Variants in SEMA3E observed in about 807,000 individuals in gnomAD.
SEMA3E encodes the protein semaphorin 3E.
A neutral mutation model predicts 93.6 loss-of-function variants in SEMA3E; 49 were observed. The ratio of observed to expected loss-of-function variants is 0.52; its 90% CI spans 0.42 to 0.66. SEMA3E has a LOEUF of 0.66. Ranked by LOEUF, SEMA3E falls within the 30% of genes least tolerant of loss-of-function variation. SEMA3E has a pLI of 0.00. For missense variants in SEMA3E, 906 were observed against 964.8 expected, an observed-to-expected ratio of 0.94 and a Z score of 0.81; for synonymous variants, 363 against 330.7, an observed-to-expected ratio of 1.10 and a Z score of -1.06.
rs558913545 is a variant in SEMA3E, at chr7:83,464,519, C to T, written c.456+1963G>A. On this transcript the variant is annotated intron_variant, in intron 4 of 16. Coordinates refer to ENST00000643230, the MANE Select transcript of SEMA3E (RefSeq NM_012431.3). ...TCTCCTGGTGCTATCCCCAAACTGC[C>T]ACTCTTAACCCTTGAAGTAAATAAA... Among the ~76,000 whole-genome samples the T allele has an allele frequency of 1.5e-3, 173 of 113,338 alleles. 14 individuals are homozygous for T. The South Asian group carries it at 0.039, about 25-fold the overall frequency. The allele number at this position is 113,338 out of a possible 152,430, so 74.4% of individuals were successfully genotyped here. A position where few individuals can be genotyped will look rare whatever the true frequency, so the allele number is the denominator to read the frequency against.
At chr7:83,624,056 A>T (rs1476530073) in intron 1 of SEMA3E, among the ~76,000 whole-genome samples, 2 of 152,162 alleles carry the variant, frequency 1.3e-5, no homozygotes, top group East Asian at 3.9e-4. Context: ...GCATGAACTC[A>T]TTCTTTTTTA....
intron 9 of SEMA3E, 105 bp from the exon 10 acceptor site, chr7:83,402,881 G>T: frequency 9.2e-7 from 1 of 1,091,708 alleles, no homozygotes; most frequent in African/African-American, 1.6e-5. Context: ...TGGGTAAAGT[G>T]GTTGCAATTT....
chr7:83,571,098 A>C (rs1739921502), intron 1 of SEMA3E, among the ~76,000 whole-genome samples: 1 of 151,774 alleles, frequency 6.6e-6, no homozygotes. Context: ...GGAAAGAAAG[A>C]AAAGAAAAAA....
chr7:83,430,904 AAAGTTACTATGGCC>A (rs1460755037), intron 4 of SEMA3E, among the ~76,000 whole-genome samples: 2 of 152,154 alleles, frequency 1.3e-5, no homozygotes, highest in Non-Finnish European at 2.9e-5. Flanking sequence ...TACGAAACCA[AAAGTTACTATGGCC>A]AAGGAAGAAA....
At chr7:83,605,432 C>T (rs2371869) in intron 1 of SEMA3E, among the ~76,000 whole-genome samples, 89,713 of 147,854 alleles carry the variant, frequency 0.61, 27,051 homozygotes, top group African/African-American at 0.69. Context: ...AATGTCCTCT[C>T]TTTTTTTTTT....
At chr7:83,457,077 C>G (rs569616319) in intron 4 of SEMA3E, among the ~76,000 whole-genome samples, 130 of 152,252 alleles carry the variant, frequency 8.5e-4, no homozygotes, top group Non-Finnish European at 1.6e-3. Flanking sequence ...GGATTTTGCA[C>G]TAACCTGATT....
chr7:83,454,074 C>T (rs965539499), intron 4 of SEMA3E, among the ~76,000 whole-genome samples: 11 of 150,764 alleles, frequency 7.3e-5, no homozygotes, highest in South Asian at 4.2e-4. Flanking sequence ...CTGGCTAACA[C>T]GGTGAAAACC....
At chr7:83,570,466 T>C (rs1230731801) in intron 1 of SEMA3E, among the ~76,000 whole-genome samples, 3 of 128,014 alleles carry the variant, frequency 2.3e-5, no homozygotes, top group African/African-American at 6.3e-5. Context: ...GGCAGGAGAA[T>C]GGCGTGAACC....
At chr7:83,641,621 A>G (rs988265335) in intron 1 of SEMA3E, among the ~76,000 whole-genome samples, 3 of 152,224 alleles carry the variant, frequency 2.0e-5, no homozygotes, top group African/African-American at 7.2e-5. Flanking sequence ...ACTTACAAAC[A>G]TGAGAGACAT....
Position 83,402,736 on chromosome 7 carries a change from A to G in SEMA3E, c.1039T>C (p.Ser347Pro). The G allele has an allele frequency of 6.2e-7, 1 of 1,612,966 alleles. No individual in the cohort carries two copies. The highest frequency in any genetic ancestry group is 8.5e-7 in the Non-Finnish European group (1 of 1,179,196). The change falls in exon 10 of 17, where the codon TCT becomes CCT. Residue 347 changes from serine to proline, a missense_variant. Ser to Pro is a moderately conservative substitution (Grantham distance 74). Coordinates refer to ENST00000643230, the MANE Select transcript of SEMA3E (RefSeq NM_012431.3). ...CCGTTGAAGGCTGCCCGAATGCTAGACATGTGATAGACACATATAGCATGC... is the reference window on the plus strand; with the variant it reads ...CCGTTGAAGGCTGCCCGAATGCTAGGCATGTGATAGACACATATAGCATGC... Reference protein sequence around the residue: ...RGHAICVYHMSSIRAAFNGPY... With the variant: ...RGHAICVYHMPSIRAAFNGPY...
intron 2 of SEMA3E, among the ~76,000 whole-genome samples, chr7:83,486,376 C>G (rs746707383): frequency 5.3e-5 from 8 of 151,930 alleles, no homozygotes; most frequent in Non-Finnish European, 8.8e-5. Flanking sequence ...TCAGCAGTAC[C>G]AAGTTTGAGA....
At chr7:83,462,918 C>CT (rs1281174517) in intron 4 of SEMA3E, among the ~76,000 whole-genome samples, 1 of 113,218 alleles carries the variant, frequency 8.8e-6, no homozygotes, top group Non-Finnish European at 2.0e-5. Context: ...CTCAAACATG[C>CT]TTTCTTTACT....
At chr7:83,403,642 T>A (rs1337249669) in intron 9 of SEMA3E, among the ~76,000 whole-genome samples, 1 of 151,966 alleles carries the variant, frequency 6.6e-6, no homozygotes, top group Non-Finnish European at 1.5e-5. Context: ...ATAATTAATG[T>A]TTGTGAAAGT....
rs141409887 is a variant in SEMA3E, at chr7:83,438,102, AT to A, written c.457-19620del. On this transcript the variant is annotated intron_variant, in intron 4 of 16. Transcript: ENST00000643230. Reference sequence around the variant, plus strand: ...TTCAGTATTTTAATTCTTTGAAAAAATAGCACAGGCAGTCTTCGTATGAATG... The same window carrying A: ...TTCAGTATTTTAATTCTTTGAAAAAAAGCACAGGCAGTCTTCGTATGAATG... 5.3e-5 allele frequency among the ~76,000 whole-genome samples: 8 copies of A among 152,262 alleles called. No individual in the cohort carries two copies. In the East Asian group the frequency reaches 1.4e-3, roughly 26 times the overall value.
intron 2 of SEMA3E, among the ~76,000 whole-genome samples, chr7:83,482,564 C>CAAAAAAAAA (rs11429680): frequency 3.7e-4 from 30 of 80,228 alleles, no homozygotes; most frequent in African/African-American, 1.7e-3. Context: ...CACTCCGTCT[C>CAAAAAAAAA]AAAAAAAAAA....
chr7:83,421,700 G>T (rs1788671673), intron 4 of SEMA3E, among the ~76,000 whole-genome samples: 1 of 141,984 alleles, frequency 7.0e-6, no homozygotes, highest in South Asian at 2.3e-4. Context: ...TCTTAACTTT[G>T]CTAGTCATCT....
At chr7:83,423,687 A>C (rs1467561479) in intron 4 of SEMA3E, among the ~76,000 whole-genome samples, 14 of 127,226 alleles carry the variant, frequency 1.1e-4, no homozygotes, top group African/African-American at 4.0e-4. Context: ...TTTTTTTTGT[A>C]CTTTTAGTAG....
intron 11 of SEMA3E, among the ~76,000 whole-genome samples, chr7:83,397,514 A>G (rs1788149494): frequency 6.6e-6 from 1 of 152,166 alleles, no homozygotes; most frequent in South Asian, 2.1e-4. Flanking sequence ...CAGTTTTGGC[A>G]AGAAAAAAAT....
At chr7:83,405,308 G>A (rs958058794) in intron 9 of SEMA3E, 142 bp downstream of exon 9, 5 of 658,598 alleles carry the variant, frequency 7.6e-6, no homozygotes, top group Non-Finnish European at 1.1e-5. Context: ...GGAAAATAAA[G>A]ATCAATTGGT....
Sources: gnomAD v4.1 joint callset for allele counts (sites outside exome capture counted in the v4.1 genomes callset) on GRCh38, gnomAD v4.1.1 for gene constraint, MANE v1.5 for transcripts, NCBI Gene and HGNC (gene_info 2026-07-23, HGNC 2026-07-21) for gene names.